Variants in ATG2B observed in about 807,000 individuals in gnomAD.
The protein encoded by ATG2B is autophagy-related protein 2 homolog B.
In ATG2B, 121 loss-of-function variants were observed where a neutral mutation model predicts 241.3. The ratio of observed to expected loss-of-function variants is 0.50; its 90% CI spans 0.43 to 0.58. ATG2B has a LOEUF of 0.58. ATG2B is among the 20% of genes least tolerant of loss of function. The pLI is 0.00. For synonymous variants in ATG2B, 858 were observed against 876.6 expected, an observed-to-expected ratio of 0.98 and a Z score of 0.37; for missense variants, 2,306 against 2,491.6, an observed-to-expected ratio of 0.93 and a Z score of 1.59.
At position 96,362,808 on chromosome 14, in the gene ATG2B, C is replaced by T; in HGVS notation, c.162+7G>A. 1.9e-6 allele frequency: 3 copies of T among 1,599,658 alleles called. No homozygotes were observed. The highest frequency in any genetic ancestry group is 2.6e-6 in the Non-Finnish European group (3 of 1,170,658). On this transcript the variant is annotated splice_region_variant and intron_variant, in intron 1 of 41. Coordinates refer to ENST00000359933, the MANE Select transcript of ATG2B (RefSeq NM_018036.7). ...GCCCCGCCCGGCTCGCCGCCGGCAGCTCTTACCCATTTGTCCAAGGGGACC... is the reference window on the plus strand; with the variant it reads ...GCCCCGCCCGGCTCGCCGCCGGCAGTTCTTACCCATTTGTCCAAGGGGACC...
rs72704878 is a variant in ATG2B at position 96,305,722 on chromosome 14, T to C, written c.4600A>G (p.Thr1534Ala). ...GGAAAGTGTAAGGGGGCTTTGCTCG[T>C]ATCGGTCTTATTAACGGGCAGACTG... ...YFSLPVNKTD[T>A]SKAPLHFPIP... Residue 1534 changes from threonine to alanine, a missense_variant, in exon 31 of 42, where the codon ACG becomes GCG. Thr to Ala is a moderately conservative substitution (Grantham distance 58, BLOSUM62 0). Transcript: ENST00000359933. 17 of 1,614,194 alleles carry C rather than the reference T, an allele frequency of 1.1e-5. No individual in the cohort carries two copies. The Admixed American group carries it at 1.7e-4, about 16-fold the overall frequency.
chr14:96,290,584 C>T lies in ATG2B; in HGVS notation c.5708G>A (p.Gly1903Asp). 1 of 1,614,146 alleles carries T rather than the reference C, an allele frequency of 6.2e-7. No homozygotes were observed. Among genetic ancestry groups the T allele is most frequent in the Non-Finnish European group, 8.5e-7 (1 of 1,179,996 alleles). The change falls in exon 40 of 42, where the codon GGC becomes GAC. Residue 1903 changes from glycine (G) to aspartate (D), a missense_variant. Gly to Asp is a moderately conservative substitution (Grantham distance 94). Around this residue, in one of 2 missense-constraint regions of ATG2B, gnomAD observed 379 missense variants for 480.4 expected, o/e 0.79. Transcript: ENST00000359933. The surrounding 1 kb of genome is among the most constrained non-coding windows in gnomAD (Gnocchi z 4.4). ...PMHSLVQLVQ[G>D]LKDLVWLPIE... ...TGGGAGCCAGACCAAGTCCTTTAGG[C>T]CTTGTACTACAACAGTCAACACAAA... is the stretch of plus-strand genomic sequence containing the variant.
Position 96,313,356 on chromosome 14 carries a change from T to C in ATG2B, c.3722A>G (p.His1241Arg), listed in dbSNP as rs1360959831. 1.9e-6 allele frequency: 3 copies of C among 1,593,674 alleles called. No homozygotes were observed. Among genetic ancestry groups the C allele is most frequent in the Admixed American group, 1.8e-5 (1 of 54,428 alleles). ...ATAATCAAGTGCACAGCTCCAAAGATGAACATGAAAAGTTGTAAATGAAGT... is the reference window on the plus strand; with the variant it reads ...ATAATCAAGTGCACAGCTCCAAAGACGAACATGAAAAGTTGTAAATGAAGT... ...PPTSFTTFHVHLWSCALDYRP... is the reference protein window; with the variant it reads ...PPTSFTTFHVRLWSCALDYRP... Residue 1241 changes from histidine to arginine, a missense_variant, in exon 24 of 42, where the codon CAT becomes CGT. Transcript: ENST00000359933.
chr14:96,303,083 G>A lies in ATG2B; in HGVS notation c.5015C>T (p.Pro1672Leu). The change falls in exon 33 of 42, where the codon CCT (proline) becomes CTT (leucine). Residue 1672 changes from proline to leucine, a missense_variant. By Grantham distance (98) the Pro-to-Leu change is moderately conservative. This residue lies in a region of ATG2B where 1,927 missense variants were observed against 2,011.2 expected (regional missense o/e 0.96). Coordinates refer to ENST00000359933, the MANE Select transcript of ATG2B (RefSeq NM_018036.7). ...FLYLYCSKEM[P>L]RKAHSNMLTV... ...TACCATGTTGGAGTGAGCTTTTCGA[G>A]GCATTTCTTTACTGCAATACAGGTA... is the stretch of plus-strand genomic sequence containing the variant. 2 of 1,597,638 alleles carry A rather than the reference G, an allele frequency of 1.3e-6. No homozygotes were observed. The highest frequency in any genetic ancestry group is 1.1e-5 in the South Asian group (1 of 88,146).
chr14:96,291,532 G>A, intron 38 of ATG2B, 68 bp downstream of exon 38: 2 of 1,226,674 alleles, frequency 1.6e-6, no homozygotes, highest in South Asian at 2.8e-5. Context: ...AGAAAACTCA[G>A]TTTTTAAATT....
chr14:96,279,940 A>C lies in ATG2B; in HGVS notation c.*5815T>G, dbSNP rs1444461926. Reference sequence around the variant, plus strand: ...TCCTACAATGCACAGGCTGGTCCCAAATGTCAACTGCTGAGGTGGAGAAAC... The same window carrying C: ...TCCTACAATGCACAGGCTGGTCCCACATGTCAACTGCTGAGGTGGAGAAAC... On this transcript the variant is annotated 3_prime_UTR_variant, in exon 42 of 42. Transcript: ENST00000359933. The C allele has an allele frequency of 6.6e-6, 1 of 152,560 alleles. No individual in the cohort carries two copies. The highest frequency in any genetic ancestry group is 1.5e-5 in the Non-Finnish European group (1 of 68,230). 9.5% of individuals were successfully genotyped at this position (152,560 alleles called of 1,614,324 possible).
Position 96,344,596 on chromosome 14 carries a change from A to T in ATG2B, c.581+58T>A, listed in dbSNP as rs1888124001. 4.3e-6 allele frequency: 4 copies of T among 938,070 alleles called. No individual in the cohort carries two copies. The East Asian group carries it at 1.1e-4, about 25-fold the overall frequency. The allele number at this position is 938,070 out of a possible 1,614,324, so 58.1% of individuals were successfully genotyped here. On this transcript the variant is annotated intron_variant, in intron 4 of 41. Transcript: ENST00000359933. ...AGCTCTAATCTCCAAAACCTCCCTGAAAATGTAATATCAGAGTTACAATAG... is the reference window on the plus strand; with the variant it reads ...AGCTCTAATCTCCAAAACCTCCCTGTAAATGTAATATCAGAGTTACAATAG...
Position 96,331,520 on chromosome 14 carries a change from G to A in ATG2B, c.1586C>T (p.Thr529Met), listed in dbSNP as rs200831020. ...LHIDPLSPPE[T>M]SQNLNPLTPM... is the part of the protein sequence containing the mutation. ...TGTCAATGGATTAAGGTTCTGTGAC[G>A]TTTCAGGTGGAGATAAAGGATCAAT... The change falls in exon 11 of 42, where the codon ACG (threonine) becomes ATG (methionine). Residue 529 changes from threonine to methionine, a missense_variant. By Grantham distance (81) the Thr-to-Met change is moderately conservative. Around this residue, in one of 2 missense-constraint regions of ATG2B, gnomAD observed 1,927 missense variants for 2,011.2 expected, o/e 0.96. Coordinates refer to ENST00000359933, the MANE Select transcript of ATG2B (RefSeq NM_018036.7). 138 of 1,613,964 alleles carry A rather than the reference G, an allele frequency of 8.6e-5. No homozygotes were observed. The East Asian group carries it at 2.1e-3, about 25-fold the overall frequency.
At chr14:96,333,962 A>C in intron 7 of ATG2B, 89 bp from the exon 8 acceptor site, 2 of 1,104,746 alleles carry the variant, frequency 1.8e-6, no homozygotes, top group Non-Finnish European at 2.7e-6. Flanking sequence ...TGGAACAACA[A>C]TGGCAACTTA....
At chr14:96,303,731 T>C (rs1886857759) in intron 32 of ATG2B, among the ~76,000 whole-genome samples, 1 of 152,208 alleles carries the variant, frequency 6.6e-6, no homozygotes, top group African/African-American at 2.4e-5. Context: ...GCTATTACCA[T>C]GTATGTCTGT....
At position 96,363,060 on chromosome 14, in the gene ATG2B, G is replaced by A; in HGVS notation, c.-84C>T. 2.6e-6 allele frequency: 4 copies of A among 1,530,682 alleles called. No homozygotes were observed. Among genetic ancestry groups the A allele is most frequent in the East Asian group, 2.3e-5 (1 of 44,254 alleles). The allele number at this position is 1,530,682 out of a possible 1,614,324, so 94.8% of individuals were successfully genotyped here. On this transcript the variant is annotated 5_prime_UTR_variant, in exon 1 of 42. Coordinates refer to ENST00000359933, the MANE Select transcript of ATG2B (RefSeq NM_018036.7). The stretch of plus-strand genomic sequence containing the variant: ...GGTAGCGACTCCGGCTCCAGGCCGC[G>A]GCGGGGCCTAAGCCTGGGGCGGCCC...
chr14:96,295,114 T>C lies in ATG2B; in HGVS notation c.5272A>G (p.Thr1758Ala), dbSNP rs1394900495. The C allele has an allele frequency of 1.2e-6, 2 of 1,614,054 alleles. No homozygotes were observed. Among genetic ancestry groups the C allele is most frequent in the African/African-American group, 1.3e-5 (1 of 74,924 alleles). ...VTCSLPRHLS[T>A]SKEPNLVISF... ...ATAACCAGATTTGGCTCCTTTGAGG[T>C]ACTCAAATGCCTTGGCAAACTGCAG... The change falls in exon 36 of 42, where the codon ACC (threonine) becomes GCC (alanine). Residue 1758 changes from threonine to alanine, a missense_variant. By Grantham distance (58) the Thr-to-Ala change is moderately conservative. Coordinates refer to ENST00000359933, the MANE Select transcript of ATG2B (RefSeq NM_018036.7).
intron 16 of ATG2B, 64 bp downstream of exon 16, chr14:96,323,832 G>T: frequency 2.7e-6 from 3 of 1,092,714 alleles, no homozygotes; most frequent in Non-Finnish European, 4.1e-6. Context: ...CAAAATGTTG[G>T]TTTAAAAGAA....
intron 25 of ATG2B, 76 bp from the exon 26 acceptor site, chr14:96,312,235 A>T (rs1379492444): frequency 1.1e-6 from 1 of 935,454 alleles, no homozygotes; most frequent in East Asian, 2.6e-5. Flanking sequence ...CTATATGCTT[A>T]ATTGCATCAT....
chr14:96,328,715 G>T lies in ATG2B; in HGVS notation c.1933C>A (p.Leu645Ile). The T allele has an allele frequency of 6.2e-7, 1 of 1,609,706 alleles. No individual in the cohort carries two copies. The highest frequency in any genetic ancestry group is 2.2e-5 in the East Asian group (1 of 44,734). The change falls in exon 13 of 42, where the codon CTT becomes ATT. Residue 645 changes from leucine to isoleucine, a missense_variant. Coordinates refer to ENST00000359933, the MANE Select transcript of ATG2B (RefSeq NM_018036.7). ...EETGSHSPVCLQLHYKHSENR... is the reference protein window; with the variant it reads ...EETGSHSPVCIQLHYKHSENR... The stretch of plus-strand genomic sequence containing the variant: ...TCAGAATGCTTATAATGAAGCTGAA[G>T]ACACACAGGGGAATGGGAACCAGTT...
Position 96,332,636 on chromosome 14 carries a change from G to A in ATG2B, c.1227C>T (p.Ser409=). The A allele has an allele frequency of 6.4e-7, 1 of 1,574,512 alleles. No individual in the cohort carries two copies. The highest frequency in any genetic ancestry group is 8.6e-7 in the Non-Finnish European group (1 of 1,167,420). Residue 409 remains serine, a synonymous_variant, in exon 9 of 42, where the codon TCC becomes TCT. Transcript: ENST00000359933. The stretch of plus-strand genomic sequence containing the variant: ...TATGAGACATGTCCATATCAGCCAT[G>A]GAGAAGAATACTTCTTCTTCTAGAG... ...PSSREEEVFF[S]MADMDMSHSL...
At chr14:96,336,139 C>G (rs1252686859) in intron 6 of ATG2B, among the ~76,000 whole-genome samples, 1 of 147,530 alleles carries the variant, frequency 6.8e-6, no homozygotes, top group Non-Finnish European at 1.5e-5. Flanking sequence ...CAAGGGAATA[C>G]TATTCAGAGA....
intron 33 of ATG2B, 21 bp downstream of exon 33, chr14:96,303,040 A>C (rs1308339856): frequency 6.9e-7 from 1 of 1,457,702 alleles, no homozygotes. Context: ...AACATAACAC[A>C]ACGATGAGGT....
chr14:96,290,346 A>G lies in ATG2B; in HGVS notation c.5856+90T>C, dbSNP rs1450405584. On this transcript the variant is annotated intron_variant, in intron 40 of 41. Coordinates refer to ENST00000359933, the MANE Select transcript of ATG2B (RefSeq NM_018036.7). The surrounding 1 kb of genome is among the most constrained non-coding windows in gnomAD (Gnocchi z 4.4). ...AAAGTATCTACTCACAACATTTTGTATATCTTCACAGTATCGTTTTAAAAA... is the reference window on the plus strand; with the variant it reads ...AAAGTATCTACTCACAACATTTTGTGTATCTTCACAGTATCGTTTTAAAAA... 44 of 1,463,060 alleles carry G rather than the reference A, an allele frequency of 3.0e-5. No individual in the cohort carries two copies. The highest frequency in any genetic ancestry group is 6.9e-5 in the East Asian group (3 of 43,740). 90.6% of individuals were successfully genotyped at this position (1,463,060 alleles called of 1,614,324 possible). A position where few individuals can be genotyped will look rare whatever the true frequency, so the allele number is the denominator to read the frequency against.
Sources: allele counts gnomAD v4.1 joint callset (sites outside exome capture counted in the v4.1 genomes callset), GRCh38; gene constraint gnomAD v4.1.1; regional missense constraint gnomAD v4.1.1; non-coding constraint Gnocchi (gnomAD v3.1); transcripts MANE v1.5; gene names NCBI Gene and HGNC (gene_info 2026-07-23, HGNC 2026-07-21).